Variants in SIPA1L1 observed in about 807,000 individuals in gnomAD.
SIPA1L1 encodes the protein signal induced proliferation associated 1 like 1, also known as signal-induced proliferation-associated 1-like protein 1.
SIPA1L1 carries 26 observed loss-of-function variants against 162.7 expected under a neutral mutation model. That is an observed-to-expected ratio of 0.16 (90% confidence interval 0.12 to 0.22). The LOEUF is 0.22. Ranked by LOEUF, SIPA1L1 falls within the 10% of genes least tolerant of loss-of-function variation. SIPA1L1 has a pLI of 1.00. For missense variants in SIPA1L1, 1,874 were observed against 2,241.0 expected, an observed-to-expected ratio of 0.84 and a Z score of 3.31; for synonymous variants, 829 against 837.4, an observed-to-expected ratio of 0.99 and a Z score of 0.17.
chr14:71,518,322 T>G (rs966402055), intron 3 of SIPA1L1, among the ~76,000 whole-genome samples: 9 of 151,938 alleles, frequency 5.9e-5, no homozygotes, highest in African/African-American at 2.2e-4. Flanking sequence ...AATGCAAGTC[T>G]TTAGTTAAGT....
chr14:71,555,513 A>G (rs760463198), intron 4 of SIPA1L1, among the ~76,000 whole-genome samples: 2 of 152,246 alleles, frequency 1.3e-5, no homozygotes, highest in South Asian at 4.1e-4. Flanking sequence ...CCATCTCAGC[A>G]GTAAGGCTGT....
intron 2 of SIPA1L1, among the ~76,000 whole-genome samples, chr14:71,507,978 G>GA (rs1255984723): frequency 1.3e-5 from 2 of 152,066 alleles, no homozygotes; most frequent in African/African-American, 2.4e-5. Flanking sequence ...TCTACTGTAA[G>GA]AAAAAAAGAG....
chr14:71,339,902 T>A (rs1055973789), intron 2 of SIPA1L1, among the ~76,000 whole-genome samples: 3 of 152,230 alleles, frequency 2.0e-5, no homozygotes, highest in African/African-American at 7.2e-5. Flanking sequence ...GAGTTCCTGT[T>A]ACAGAATTTC....
At chr14:71,445,822 C>T (rs1409839436) in intron 2 of SIPA1L1, among the ~76,000 whole-genome samples, 2 of 151,922 alleles carry the variant, frequency 1.3e-5, no homozygotes, top group East Asian at 3.8e-4. Context: ...TAATTGAAAC[C>T]ACATTGTTAT....
At chr14:71,371,810 G>T (rs1173399764) in intron 2 of SIPA1L1, among the ~76,000 whole-genome samples, 1 of 152,170 alleles carries the variant, frequency 6.6e-6, no homozygotes, top group Non-Finnish European at 1.5e-5. Flanking sequence ...TATAATTGGA[G>T]TTTAAGCAAA....
At chr14:71,350,537 G>A (rs926462586) in intron 2 of SIPA1L1, among the ~76,000 whole-genome samples, 6 of 152,118 alleles carry the variant, frequency 3.9e-5, no homozygotes, top group Admixed American at 6.5e-5. Flanking sequence ...GCTTTTATAC[G>A]CCTAGGGGAG....
At chr14:71,505,813 A>G (rs1292538228) in intron 2 of SIPA1L1, among the ~76,000 whole-genome samples, 1 of 152,110 alleles carries the variant, frequency 6.6e-6, no homozygotes, top group Non-Finnish European at 1.5e-5. Flanking sequence ...GTGTACACAA[A>G]CTTTGTTTTG....
intron 2 of SIPA1L1, among the ~76,000 whole-genome samples, chr14:71,492,876 G>T (rs984591817): frequency 8.7e-5 from 13 of 149,110 alleles, no homozygotes; most frequent in African/African-American, 3.2e-4. Context: ...TTCTCCCACC[G>T]TGGCCTCCCA....
At chr14:71,552,806 T>G (rs539129202) in intron 4 of SIPA1L1, among the ~76,000 whole-genome samples, 24 of 152,146 alleles carry the variant, frequency 1.6e-4, no homozygotes, top group Middle Eastern at 3.2e-3. Context: ...CTTGGAGCCT[T>G]CCTTCCTTAC....
intron 14 of SIPA1L1, among the ~76,000 whole-genome samples, chr14:71,699,551 A>T (rs997191120): frequency 6.6e-6 from 1 of 152,156 alleles, no homozygotes; most frequent in Non-Finnish European, 1.5e-5. Context: ...TTATTTTTGG[A>T]CCACACACTT....
intron 4 of SIPA1L1, among the ~76,000 whole-genome samples, chr14:71,556,323 T>C (rs2056347391): frequency 6.6e-6 from 1 of 152,226 alleles, no homozygotes; most frequent in Non-Finnish European, 1.5e-5. Context: ...TGACAAAAGC[T>C]GTGGGTTTTT....
Position 71,344,799 on chromosome 14 carries a change from C to G in SIPA1L1, c.-465+23618C>G, listed in dbSNP as rs796657251. ...CAGGCTGCTCTCCAACTGCTGAGCT[C>G]AAGTGATCCGCCAGCTTCAGTCTCC... On this transcript the variant is annotated intron_variant, in intron 2 of 23. Coordinates refer to ENST00000381232, the MANE Select transcript of SIPA1L1 (RefSeq NM_001386936.1). Among the ~76,000 whole-genome samples, 99 of 152,220 alleles carry G rather than the reference C, an allele frequency of 6.5e-4. 1 individual carries two copies. The highest frequency in any genetic ancestry group is 2.3e-3 in the African/African-American group (97 of 41,546).
intron 14 of SIPA1L1, 79 bp downstream of exon 14, chr14:71,699,206 C>G (rs545673337): frequency 1.1e-5 from 15 of 1,347,102 alleles, no homozygotes; most frequent in Non-Finnish European, 1.5e-5. Flanking sequence ...TGTAAAATGA[C>G]TTCCATTCAG....
chr14:71,709,350 G>T lies in SIPA1L1; in HGVS notation c.3894G>T (p.Leu1298=), dbSNP rs2082701573. The change falls in exon 17 of 24, where the codon CTG becomes CTT. Residue 1298 remains leucine (L), a synonymous_variant. Transcript: ENST00000381232. ...CCGAACTCAACAGCTATAACTATCTGCAAGGCACCTCTGCTGACAGTGGCA... is the reference window on the plus strand; with the variant it reads ...CCGAACTCAACAGCTATAACTATCTTCAAGGCACCTCTGCTGACAGTGGCA... ...TESELNSYNY[L]QGTSADSGID... 1.2e-6 allele frequency: 2 copies of T among 1,614,224 alleles called. No individual in the cohort carries two copies. Among genetic ancestry groups the T allele is most frequent in the Non-Finnish European group, 1.7e-6 (2 of 1,180,052 alleles).
chr14:71,648,604 A>G (rs375282417), intron 7 of SIPA1L1, among the ~76,000 whole-genome samples: 5 of 152,200 alleles, frequency 3.3e-5, no homozygotes, highest in African/African-American at 1.2e-4. Flanking sequence ...CCCATATAGT[A>G]ATATTCCCAG....
intron 7 of SIPA1L1, among the ~76,000 whole-genome samples, chr14:71,633,427 T>C (rs184831360): frequency 1.4e-3 from 210 of 152,244 alleles, no homozygotes; most frequent in Non-Finnish European, 2.5e-3. Flanking sequence ...CTGCCTAGGC[T>C]TCCCAAAGTG....
At chr14:71,679,605 G>A (rs1330523513) in intron 12 of SIPA1L1, among the ~76,000 whole-genome samples, 1 of 152,164 alleles carries the variant, frequency 6.6e-6, no homozygotes, top group Admixed American at 6.5e-5. Flanking sequence ...AAATGTAAAT[G>A]GGCTAAATGC....
rs547291502 is a variant in SIPA1L1 at position 71,685,939 on chromosome 14, C to T, written c.3374+308C>T. Among the ~76,000 whole-genome samples, 4 of 152,294 alleles carry T rather than the reference C, an allele frequency of 2.6e-5. 1 individual carries two copies. Among genetic ancestry groups the T allele is most frequent in the Admixed American group, 2.6e-4 (4 of 15,306 alleles). ...GCCCTGTGGATTAGAATTTAGCAGACTCTTTGAGGTGACAGTGACTGTATA... is the reference window on the plus strand; with the variant it reads ...GCCCTGTGGATTAGAATTTAGCAGATTCTTTGAGGTGACAGTGACTGTATA... On this transcript the variant is annotated intron_variant, in intron 13 of 23. Transcript: ENST00000381232.
chr14:71,520,906 C>T (rs1394846155), intron 3 of SIPA1L1, among the ~76,000 whole-genome samples: 2 of 152,064 alleles, frequency 1.3e-5, no homozygotes, highest in African/African-American at 2.4e-5. Context: ...GAATGCACCA[C>T]CATGTTTGGT....
Sources: allele counts gnomAD v4.1 joint callset (sites outside exome capture counted in the v4.1 genomes callset), GRCh38; gene constraint gnomAD v4.1.1; transcripts MANE v1.5; gene names NCBI Gene and HGNC (gene_info 2026-07-23, HGNC 2026-07-21).